TRAPPC11: variants seen among roughly 807,000 people sequenced by gnomAD.
TRAPPC11 encodes the protein trafficking protein particle complex subunit 11, also known as foie gras homolog.
A neutral mutation model predicts 151.2 loss-of-function variants in TRAPPC11; 104 were observed. The ratio of observed to expected loss-of-function variants is 0.69; its 90% CI spans 0.59 to 0.81. The LOEUF is 0.81. Among genes scored for constraint, TRAPPC11 ranks in the 30% least tolerant of loss-of-function variants. The pLI is 0.00. For missense variants in TRAPPC11, 1,230 were observed against 1,349.6 expected, an observed-to-expected ratio of 0.91 and a Z score of 1.39; for synonymous variants, 456 against 472.3, an observed-to-expected ratio of 0.97 and a Z score of 0.45.
At chr4:183,708,304 G>A in intron 28 of TRAPPC11, 103 bp from the exon 29 acceptor site, 1 of 1,220,110 alleles carries the variant, frequency 8.2e-7, no homozygotes, top group Non-Finnish European at 1.1e-6. Flanking sequence ...TCAGTAGAAG[G>A]ATTTGGTTAT....
chr4:183,685,518 T>G, intron 17 of TRAPPC11, 115 bp downstream of exon 17: 1 of 1,237,772 alleles, frequency 8.1e-7, no homozygotes, highest in Non-Finnish European at 1.1e-6. Flanking sequence ...AGTATAATCA[T>G]GTTATAGATA....
chr4:183,664,132 CTT>C, intron 2 of TRAPPC11, 61 bp downstream of exon 2: 1 of 1,408,218 alleles, frequency 7.1e-7, no homozygotes, highest in Non-Finnish European at 9.9e-7. Flanking sequence ...GTGTGTGTGT[CTT>C]TTTTGTTCTG....
chr4:183,702,448 G>A (rs1380585600), intron 26 of TRAPPC11, among the ~76,000 whole-genome samples: 2 of 152,010 alleles, frequency 1.3e-5, no homozygotes, highest in Non-Finnish European at 2.9e-5. Flanking sequence ...ATTGTGGCAC[G>A]TTCATACAGT....
intron 23 of TRAPPC11, among the ~76,000 whole-genome samples, chr4:183,696,485 T>C (rs1028013770): frequency 6.6e-6 from 1 of 152,132 alleles, no homozygotes; most frequent in Non-Finnish European, 1.5e-5. Flanking sequence ...AGCCTCCGAC[T>C]CCTGGGTTCA....
At chr4:183,675,379 T>TGG (rs1214051806) in intron 7 of TRAPPC11, 142 bp downstream of exon 7, 15 of 422,354 alleles carry the variant, frequency 3.6e-5, no homozygotes, top group African/African-American at 2.9e-4. Flanking sequence ...TAGAGATGAA[T>TGG]GGAGTATAAT....
At position 183,679,394 on chromosome 4, in the gene TRAPPC11, A is replaced by C; in HGVS notation, c.873A>C (p.Ala291=). Residue 291 remains alanine (A), a synonymous_variant, in exon 9 of 30, where the codon GCA becomes GCC. Transcript: ENST00000334690. ...TTCAACACAACACCCCATTGGATGC[A>C]ATTGCTCAGTTCCGAAAACACATCG... ...LCFQHNTPLD[A]IAQFRKHIDL... 1 of 1,613,086 alleles carries C rather than the reference A, an allele frequency of 6.2e-7. No homozygotes were observed. The highest frequency in any genetic ancestry group is 8.5e-7 in the Non-Finnish European group (1 of 1,179,544).
chr4:183,681,128 C>A (rs1016801077), intron 10 of TRAPPC11, among the ~76,000 whole-genome samples: 2 of 151,434 alleles, frequency 1.3e-5, no homozygotes, highest in African/African-American at 4.8e-5. Context: ...AAAATAAGAA[C>A]GTGGTATATA....
chr4:183,707,021 ATGAAC>A, intron 28 of TRAPPC11, 81 bp downstream of exon 28: 1 of 1,519,856 alleles, frequency 6.6e-7, no homozygotes, highest in Non-Finnish European at 8.9e-7. Context: ...GTTTTTATGA[ATGAAC>A]TGAGTAAAGC....
At position 183,667,056 on chromosome 4, in the gene TRAPPC11, G is replaced by A. The variant is rs1171145710; in HGVS notation, c.375-4G>A. The stretch of plus-strand genomic sequence containing the variant: ...TTAATTTTATTCTTGCTTTTTCATT[G>A]CAGGCAAAGTTTACAAGGAAGAAAC... On this transcript the variant is annotated splice_region_variant and splice_polypyrimidine_tract_variant and intron_variant, in intron 3 of 29. Coordinates refer to ENST00000334690, the MANE Select transcript of TRAPPC11 (RefSeq NM_021942.6). 2 of 1,586,644 alleles carry A rather than the reference G, an allele frequency of 1.3e-6. No individual in the cohort carries two copies. Among genetic ancestry groups the A allele is most frequent in the Non-Finnish European group, 1.7e-6 (2 of 1,162,418 alleles).
Position 183,695,779 on chromosome 4 carries a change from A to G in TRAPPC11, c.2628+1056A>G, listed in dbSNP as rs566979521. ...TTACTAGTCATTGGGAAAGAAAACC[A>G]TCTCAAAATTATTAGTATTTCCCAA... On this transcript the variant is annotated intron_variant, in intron 23 of 29. Transcript: ENST00000334690. Among the ~76,000 whole-genome samples, 5 of 152,302 alleles carry G rather than the reference A, an allele frequency of 3.3e-5. No individual in the cohort carries two copies. In the South Asian group the frequency reaches 8.3e-4, roughly 25 times the overall value.
intron 5 of TRAPPC11, among the ~76,000 whole-genome samples, chr4:183,669,018 C>T (rs1173725432): frequency 6.6e-6 from 1 of 152,160 alleles, no homozygotes; most frequent in Non-Finnish European, 1.5e-5. Flanking sequence ...GTTACCTGGC[C>T]TTCTCACTGG....
chr4:183,683,992 C>A lies in TRAPPC11; in HGVS notation c.1225C>A (p.Pro409Thr), dbSNP rs750066222. 8.1e-6 allele frequency: 13 copies of A among 1,613,898 alleles called. No individual in the cohort carries two copies. The highest frequency in any genetic ancestry group is 1.1e-5 in the Non-Finnish European group (13 of 1,179,906). ...TTACGCAGGTTTTGATCTTTCTGAT[C>A]CTGAAAAAGAAAAGGTGGGAATTCT... ...QGILSFDLSD[P>T]EKEKVGILAI... Residue 409 changes from proline to threonine, a missense_variant, in exon 12 of 30, where the codon CCT (proline) becomes ACT (threonine). Physicochemically the swap from Pro to Thr is conservative, Grantham distance 38 (BLOSUM62 -1). Coordinates refer to ENST00000334690, the MANE Select transcript of TRAPPC11 (RefSeq NM_021942.6).
rs200956431 is a variant in TRAPPC11 at position 183,684,347 on chromosome 4, C to G, written c.1409C>G (p.Thr470Ser). ...GEEYYYAKDY[T>S]KALKLLDYVM... The stretch of plus-strand genomic sequence containing the variant: ...GAATATTATTACGCAAAGGATTATA[C>G]CAAAGCTTTGAAGTGAGTCCTGTTC... The change falls in exon 14 of 30, where the codon ACC becomes AGC. Residue 470 changes from threonine to serine, a missense_variant. Thr to Ser is a moderately conservative substitution (Grantham distance 58). Transcript: ENST00000334690. The G allele has an allele frequency of 1.7e-5, 28 of 1,613,264 alleles. No individual in the cohort carries two copies. Among genetic ancestry groups the G allele is most frequent in the Non-Finnish European group, 2.0e-5 (24 of 1,179,452 alleles).
chr4:183,661,553 A>G (rs534871811), intron 1 of TRAPPC11, among the ~76,000 whole-genome samples: 1 of 151,186 alleles, frequency 6.6e-6, no homozygotes, highest in South Asian at 2.1e-4. Context: ...TTGTGTTTTT[A>G]GTAGAGACGG....
At position 183,694,362 on chromosome 4, in the gene TRAPPC11, CAAT is replaced by C. The variant is rs139311341; in HGVS notation, c.2509-238_2509-236del. Among the ~76,000 whole-genome samples the C allele has an allele frequency of 0.028, 4,314 of 152,100 alleles. 209 individuals are homozygous for C. Among genetic ancestry groups the C allele is most frequent in the African/African-American group, 0.099 (4,104 of 41,484 alleles). On this transcript the variant is annotated intron_variant, in intron 22 of 29. Coordinates refer to ENST00000334690, the MANE Select transcript of TRAPPC11 (RefSeq NM_021942.6). ...GAAAAATATTTTGGAAGTTAAAGAACAATAATTTCTAAAAGATGCAGTAGTAAT... is the reference window on the plus strand; with the variant it reads ...GAAAAATATTTTGGAAGTTAAAGAACAATTTCTAAAAGATGCAGTAGTAAT...
chr4:183,671,712 C>T (rs966010890), intron 5 of TRAPPC11, among the ~76,000 whole-genome samples: 19 of 152,276 alleles, frequency 1.2e-4, no homozygotes, highest in Admixed American at 1.3e-4. Context: ...TTCCTGGAAT[C>T]GGTGCTCGTT....
At chr4:183,684,112 T>C (rs772812533) in intron 12 of TRAPPC11, 33 bp from the exon 13 acceptor site, 12 of 1,606,856 alleles carry the variant, frequency 7.5e-6, no homozygotes, top group Middle Eastern at 1.6e-4. Context: ...AATATTTGTA[T>C]TGAAATGTTT....
chr4:183,694,775 T>G (rs1340178625), intron 23 of TRAPPC11, 52 bp downstream of exon 23: 2 of 1,566,230 alleles, frequency 1.3e-6, no homozygotes. Context: ...TATTCCCATT[T>G]TGTGTTATTT....
intron 5 of TRAPPC11, among the ~76,000 whole-genome samples, chr4:183,668,911 T>A (rs1735012986): frequency 6.6e-6 from 1 of 152,252 alleles, no homozygotes; most frequent in African/African-American, 2.4e-5. Context: ...GTGTCCTTCG[T>A]TAACTCATGA....
Sources: allele counts gnomAD v4.1 joint callset (sites outside exome capture counted in the v4.1 genomes callset), GRCh38; gene constraint gnomAD v4.1.1; transcripts MANE v1.5; gene names NCBI Gene and HGNC (gene_info 2026-07-23, HGNC 2026-07-21).